CFAP74: variants seen among roughly 807,000 people sequenced by gnomAD.
CFAP74 encodes the protein cilia- and flagella-associated protein 74.
CFAP74 carries 124 observed loss-of-function variants against 188.9 expected under a neutral mutation model. The ratio of observed to expected loss-of-function variants is 0.66; its 90% CI spans 0.57 to 0.76. The LOEUF (loss-of-function observed/expected upper bound fraction) is 0.76, where lower values mean the gene tolerates loss of function less well. CFAP74 is among the 30% of genes least tolerant of loss of function. The pLI, the probability that CFAP74 is intolerant of heterozygous loss-of-function variation, is 0.00. For synonymous variants in CFAP74, 956 were observed against 916.7 expected (o/e 1.04, Z -0.77); for missense variants, 2,198 against 2,165.2 (o/e 1.02, Z -0.30).
At chr1:1,977,437 G>GT (rs1272953579) in intron 6 of CFAP74, among the ~76,000 whole-genome samples, 1 of 152,140 alleles carries the variant, frequency 6.6e-6, no homozygotes, top group African/African-American at 2.4e-5. Flanking sequence ...TGGGGGCCCC[G>GT]TAACACCTCC....
At chr1:1,991,946 A>G (rs1361071094) in intron 1 of CFAP74, among the ~76,000 whole-genome samples, 1 of 151,684 alleles carries the variant, frequency 6.6e-6, no homozygotes, top group African/African-American at 2.4e-5. Flanking sequence ...AGGCTGAGGC[A>G]GGAGAATGGT....
chr1:1,991,203 C>T (rs1484889501), intron 1 of CFAP74, among the ~76,000 whole-genome samples: 7 of 152,256 alleles, frequency 4.6e-5, no homozygotes, highest in South Asian at 4.1e-4. Flanking sequence ...AGGCCGGGCG[C>T]GGTGGCTCAT....
At chr1:1,993,838 CG>C (rs1267095003) in intron 1 of CFAP74, among the ~76,000 whole-genome samples, 14 of 150,710 alleles carry the variant, frequency 9.3e-5, no homozygotes, top group African/African-American at 2.9e-4. Flanking sequence ...AAAAATTAGC[CG>C]GGCGTGGTGG....
At chr1:1,986,730 TG>T (rs1330234610) in intron 5 of CFAP74, among the ~76,000 whole-genome samples, 2 of 152,206 alleles carry the variant, frequency 1.3e-5, no homozygotes, top group African/African-American at 4.8e-5. Flanking sequence ...CACTCGGCCT[TG>T]CCTCCCAGAG....
intron 2 of CFAP74, among the ~76,000 whole-genome samples, chr1:1,989,433 C>T (rs1657445454): frequency 6.6e-6 from 1 of 152,200 alleles, no homozygotes; most frequent in Non-Finnish European, 1.5e-5. Context: ...TCTGCTCATC[C>T]ACCCACTCCC....
At chr1:1,995,312 T>G (rs1308310002) in intron 1 of CFAP74, among the ~76,000 whole-genome samples, 1 of 152,034 alleles carries the variant, frequency 6.6e-6, no homozygotes, top group African/African-American at 2.4e-5. Flanking sequence ...GCCAACATAG[T>G]GAAACCCCGT....
chr1:1,950,107 G>A (rs1654112936), intron 18 of CFAP74, among the ~76,000 whole-genome samples: 1 of 152,062 alleles, frequency 6.6e-6, no homozygotes, highest in Non-Finnish European at 1.5e-5. Flanking sequence ...GCATCCCCAG[G>A]GGCAGCATTA....
intron 11 of CFAP74, among the ~76,000 whole-genome samples, chr1:1,967,185 T>C (rs1440732648): frequency 6.6e-6 from 1 of 152,210 alleles, no homozygotes; most frequent in Non-Finnish European, 1.5e-5. Context: ...AGCCCCAGGC[T>C]GACCCCAGGA....
intron 12 of CFAP74, among the ~76,000 whole-genome samples, chr1:1,965,772 C>T (rs909175912): frequency 3.3e-5 from 5 of 152,208 alleles, no homozygotes; most frequent in African/African-American, 9.6e-5. Context: ...CTGGTCAGCC[C>T]GGCATCCCCA....
At chr1:1,950,644 GC>G (rs1325153532) in intron 18 of CFAP74, among the ~76,000 whole-genome samples, 40 of 152,102 alleles carry the variant, frequency 2.6e-4, no homozygotes, top group Non-Finnish European at 5.3e-4. Flanking sequence ...CTAGGCTTTT[GC>G]CCATTTTTTG....
chr1:1,927,611 G>A lies in CFAP74; in HGVS notation c.3523C>T (p.Pro1175Ser). 6.5e-7 allele frequency: 1 copy of A among 1,549,454 alleles called. No individual in the cohort carries two copies. Among genetic ancestry groups the A allele is most frequent in the South Asian group, 1.2e-5 (1 of 84,008 alleles). The change falls in exon 28 of 39, where the codon CCC becomes TCC. Residue 1175 changes from proline to serine, a missense_variant. By Grantham distance (74) the Pro-to-Ser change is moderately conservative. Coordinates refer to ENST00000682832, the MANE Select transcript of CFAP74 (RefSeq NM_001304360.2). ...VLEMRKRELR[P>S]SSDEYQAARA... ...GGCAGCCCCTCCTGGACCCACCTGG[G>A]CCTCAGCTCCCGCTTCCGCATCTCC...
chr1:1,980,602 G>C (rs994427213), intron 6 of CFAP74, among the ~76,000 whole-genome samples: 2 of 152,240 alleles, frequency 1.3e-5, no homozygotes. Flanking sequence ...GGGGGTTCCT[G>C]GGACCTGCTG....
rs1156753877 is a variant in CFAP74, at chr1:1,999,083, G to A, written c.-20+4618C>T. Among the ~76,000 whole-genome samples the A allele has an allele frequency of 1.3e-5, 2 of 152,090 alleles. 1 individual carries two copies. Among genetic ancestry groups the A allele is most frequent in the Non-Finnish European group, 2.9e-5 (2 of 68,026 alleles). ...GAGCAAGAGAATGAGAAACTCGTCT[G>A]GTGAATTTTAAAATGTATATGGAAG... On this transcript the variant is annotated intron_variant, in intron 1 of 38. Transcript: ENST00000682832.
intron 20 of CFAP74, among the ~76,000 whole-genome samples, chr1:1,945,506 G>A (rs770732496): frequency 2.0e-5 from 3 of 152,086 alleles, no homozygotes; most frequent in Non-Finnish European, 4.4e-5. Flanking sequence ...GTGCATAGGG[G>A]GTGCAGAGAA....
Position 1,926,497 on chromosome 1 carries a change from T to C in CFAP74, c.3788A>G (p.Lys1263Arg), listed in dbSNP as rs1388027530. The change falls in exon 31 of 39, where the codon AAG becomes AGG. Residue 1263 changes from lysine (K) to arginine (R), a missense_variant. Physicochemically the swap from Lys to Arg is conservative, Grantham distance 26. Coordinates refer to ENST00000682832, the MANE Select transcript of CFAP74 (RefSeq NM_001304360.2). ...AGAGACGTTCTGGATGGAGATCTTC[T>C]TGATACTGCGGTGCCCTGAAATGGG... Reference protein sequence around the residue: ...GDVAVGHRSIKKISIQNVSPE... With the variant: ...GDVAVGHRSIRKISIQNVSPE... 1.3e-6 allele frequency: 2 copies of C among 1,550,186 alleles called. No homozygotes were observed. The highest frequency in any genetic ancestry group is 1.4e-5 in the African/African-American group (1 of 73,152).
chr1:1,992,068 C>T (rs6662278), intron 1 of CFAP74, among the ~76,000 whole-genome samples: 18,057 of 150,760 alleles, frequency 0.12, 2,868 homozygotes, highest in African/African-American at 0.36. Context: ...GAGATCAAAA[C>T]GCTGCCAACA....
intron 4 of CFAP74, among the ~76,000 whole-genome samples, chr1:1,987,238 G>A (rs1017218279): frequency 6.6e-6 from 1 of 152,248 alleles, no homozygotes; most frequent in Non-Finnish European, 1.5e-5. Context: ...AGGGGCAGCT[G>A]TGTGGCCCCC....
chr1:1,930,075 G>C lies in CFAP74; in HGVS notation c.3273C>G (p.Thr1091=), dbSNP rs1187593562. The change falls in exon 26 of 39, where the codon ACC becomes ACG. Residue 1091 remains threonine, a synonymous_variant. Transcript: ENST00000682832. ...CCACACCCACCTTTCCTGGCCACAC[G>C]GTCCCCACTGAGGGCGAGATGGTGA... The part of the protein sequence containing the change: ...SPITISPSVG[T]VWPGKRCLVQ... 6.6e-7 allele frequency: 1 copy of C among 1,524,668 alleles called. No individual in the cohort carries two copies. 94.4% of individuals were successfully genotyped at this position (1,524,668 alleles called of 1,614,324 possible).
intron 6 of CFAP74, among the ~76,000 whole-genome samples, chr1:1,978,446 T>A (rs1310062959): frequency 6.6e-6 from 1 of 152,008 alleles, no homozygotes. Context: ...GGGGCGGTGG[T>A]TAATTGATTT....
Sources: allele counts gnomAD v4.1 joint callset (sites outside exome capture counted in the v4.1 genomes callset), GRCh38; gene constraint gnomAD v4.1.1; transcripts MANE v1.5; gene names NCBI Gene and HGNC (gene_info 2026-07-23, HGNC 2026-07-21).